Variants in SH2D4A observed in about 807,000 individuals in gnomAD.
The protein encoded by SH2D4A is SH2 domain containing 4A.
Under a neutral mutation model 64.7 loss-of-function variants are expected in SH2D4A, and 70 were observed. That is an observed-to-expected ratio of 1.08 (90% CI 0.89 to 1.32). SH2D4A has a LOEUF of 1.32. SH2D4A is among the 40% of genes most tolerant of loss of function. The pLI is 0.00. For synonymous variants in SH2D4A, 268 were observed against 200.7 expected (o/e 1.34, Z -2.83); for missense variants, 706 against 540.1 (o/e 1.31, Z -3.04).
At chr8:19,372,974 C>T (rs1052321385) in intron 7 of SH2D4A, among the ~76,000 whole-genome samples, 1 of 151,880 alleles carries the variant, frequency 6.6e-6, no homozygotes, top group Non-Finnish European at 1.5e-5. Context: ...TATCTTATTG[C>T]ATTTGATTTC....
At chr8:19,376,423 A>T (rs2053196760) in intron 8 of SH2D4A, among the ~76,000 whole-genome samples, 1 of 152,258 alleles carries the variant, frequency 6.6e-6, no homozygotes, top group South Asian at 2.1e-4. Flanking sequence ...GGAGTTTGAG[A>T]CCAGCCTGAC....
In SH2D4A at chr8:19,364,206, C is replaced by T. The variant is rs767172039; in HGVS notation, c.841C>T (p.Gln281Ter). 2 of 1,614,194 alleles carry T rather than the reference C, an allele frequency of 1.2e-6. No homozygotes were observed. The highest frequency in any genetic ancestry group is 1.7e-6 in the Non-Finnish European group (2 of 1,180,010). Residue 281 changes from glutamine (Q) to a stop codon, truncating the protein, a stop_gained, in exon 7 of 10, where the codon CAG (glutamine) becomes TAG (stop). Coordinates refer to ENST00000265807, the MANE Select transcript of SH2D4A (RefSeq NM_022071.4). LOFTEE classifies it high-confidence loss of function. ...GCTGCAAAGCCCCTTGCGTGTTCCG[C>T]AGAAACCAGAAAGACCTCCCCTTCC... ...ERLQSPLRVP[Q>*]KPERPPLPPK...
intron 4 of SH2D4A, among the ~76,000 whole-genome samples, chr8:19,346,222 C>T (rs966567586): frequency 2.0e-5 from 3 of 152,168 alleles, no homozygotes; most frequent in Admixed American, 6.5e-5. Flanking sequence ...GGCAGGAGCC[C>T]CTATCCCTGG....
chr8:19,361,409 T>C (rs1443082013), intron 6 of SH2D4A, 95 bp downstream of exon 6: 1 of 1,242,412 alleles, frequency 8.0e-7, no homozygotes, highest in African/African-American at 1.6e-5. Flanking sequence ...TAATGTGGGT[T>C]GTTGAGAGAT....
chr8:19,355,852 T>A (rs1019203394), intron 4 of SH2D4A, among the ~76,000 whole-genome samples: 13 of 152,240 alleles, frequency 8.5e-5, no homozygotes, highest in African/African-American at 2.9e-4. Context: ...GCTTGAAACA[T>A]GCCTCCAGCA....
chr8:19,334,913 A>G (rs1266671904), intron 4 of SH2D4A, 56 bp downstream of exon 4: 5 of 1,534,586 alleles, frequency 3.3e-6, no homozygotes, highest in Non-Finnish European at 4.4e-6. Context: ...AGAAAAAGCT[A>G]TTGAGGCCAC....
rs532791993 is a variant in SH2D4A, at chr8:19,395,475, A to C, written c.*833A>C. ...GAAGTCTTAACCCCCATCCCCGTGA[A>C]TGGGACCTTGTTTGGAAATAGGGTC... On this transcript the variant is annotated 3_prime_UTR_variant, in exon 10 of 10. Transcript: ENST00000265807. 4 of 152,356 alleles carry C rather than the reference A, an allele frequency of 2.6e-5. No homozygotes were observed. The highest frequency in any genetic ancestry group is 9.6e-5 in the African/African-American group (4 of 41,564). 9.4% of individuals were successfully genotyped at this position (152,356 alleles called of 1,614,324 possible). A position where few individuals can be genotyped will look rare whatever the true frequency, so the allele number is the denominator to read the frequency against.
chr8:19,392,920 T>A (rs2053516984), intron 8 of SH2D4A, among the ~76,000 whole-genome samples: 1 of 152,012 alleles, frequency 6.6e-6, no homozygotes, highest in South Asian at 2.1e-4. Context: ...TTTTTGTATT[T>A]TTAGTAGACA....
chr8:19,391,659 T>C (rs1256549300), intron 8 of SH2D4A, among the ~76,000 whole-genome samples: 1 of 152,088 alleles, frequency 6.6e-6, no homozygotes, highest in Non-Finnish European at 1.5e-5. Context: ...TTCTCCTAAA[T>C]AGGAAGCAGG....
At chr8:19,391,135 C>T (rs2053485845) in intron 8 of SH2D4A, among the ~76,000 whole-genome samples, 1 of 152,166 alleles carries the variant, frequency 6.6e-6, no homozygotes, top group African/African-American at 2.4e-5. Context: ...GTTTCGGAGT[C>T]AGTCTCATAC....
chr8:19,388,176 G>A (rs1169271733), intron 8 of SH2D4A, among the ~76,000 whole-genome samples: 1 of 152,174 alleles, frequency 6.6e-6, no homozygotes, highest in Non-Finnish European at 1.5e-5. Flanking sequence ...GGGTTAAAAA[G>A]CATAGTGAGT....
intron 8 of SH2D4A, among the ~76,000 whole-genome samples, chr8:19,388,865 G>A (rs1393828157): frequency 6.6e-6 from 1 of 152,236 alleles, no homozygotes; most frequent in African/African-American, 2.4e-5. Flanking sequence ...ATAAGATGGA[G>A]TAGTTGGCCT....
intron 6 of SH2D4A, among the ~76,000 whole-genome samples, chr8:19,362,451 G>T (rs28525153): frequency 0.22 from 33,284 of 152,086 alleles, 4,629 homozygotes; most frequent in African/African-American, 0.39. Context: ...GTCGCATATA[G>T]TTTTTAGGCC....
chr8:19,365,756 T>G (rs537896357), intron 7 of SH2D4A, among the ~76,000 whole-genome samples: 1 of 152,222 alleles, frequency 6.6e-6, no homozygotes, highest in African/African-American at 2.4e-5. Context: ...GGGCTGGGAC[T>G]TGACACAGGG....
intron 4 of SH2D4A, among the ~76,000 whole-genome samples, chr8:19,337,862 A>G (rs1343963): frequency 0.69 from 105,091 of 151,996 alleles, 37,439 homozygotes; most frequent in African/African-American, 0.83. Flanking sequence ...TGTGGGAGTT[A>G]CAATTCAAGA....
intron 8 of SH2D4A, among the ~76,000 whole-genome samples, chr8:19,376,802 C>T (rs1055646488): frequency 2.6e-5 from 4 of 152,068 alleles, no homozygotes; most frequent in Non-Finnish European, 5.9e-5. Context: ...AGACAACATT[C>T]AGATGAGCAG....
chr8:19,318,464 A>G (rs2052127646), intron 1 of SH2D4A, among the ~76,000 whole-genome samples: 1 of 152,226 alleles, frequency 6.6e-6, no homozygotes, highest in African/African-American at 2.4e-5. Flanking sequence ...AAACCTCAGT[A>G]GGATTTCCAA....
At chr8:19,389,761 C>A (rs1289864529) in intron 8 of SH2D4A, among the ~76,000 whole-genome samples, 2 of 152,100 alleles carry the variant, frequency 1.3e-5, no homozygotes, top group Admixed American at 6.5e-5. Context: ...TGAAAATTGG[C>A]CAGGCATGGT....
At chr8:19,343,845 A>G (rs2052568298) in intron 4 of SH2D4A, among the ~76,000 whole-genome samples, 1 of 152,196 alleles carries the variant, frequency 6.6e-6, no homozygotes, top group South Asian at 2.1e-4. Context: ...GCAGGATTTA[A>G]TCACGTTCTA....
Sources: gnomAD v4.1 joint callset for allele counts (sites outside exome capture counted in the v4.1 genomes callset) on GRCh38, gnomAD v4.1.1 for gene constraint, MANE v1.5 for transcripts, NCBI Gene and HGNC (gene_info 2026-07-23, HGNC 2026-07-21) for gene names.